Variants in SPATA6 observed in about 807,000 individuals in gnomAD.
SPATA6 encodes spermatogenesis-associated protein 6.
Under a neutral mutation model 65.3 loss-of-function variants are expected in SPATA6, and 56 were observed. The ratio of observed to expected loss-of-function variants is 0.86; its 90% confidence interval spans 0.69 to 1.07. SPATA6 has a LOEUF of 1.07. SPATA6 is among the 50% of genes least tolerant of loss of function. The pLI is 0.00. For synonymous variants in SPATA6, 199 were observed against 213.2 expected (o/e 0.93, Z 0.58); for missense variants, 590 against 594.8 (o/e 0.99, Z 0.08).
chr1:48,446,829 G>A (rs940522678), intron 3 of SPATA6, among the ~76,000 whole-genome samples: 3 of 152,050 alleles, frequency 2.0e-5, no homozygotes, highest in African/African-American at 7.2e-5. Flanking sequence ...TTAAATGACA[G>A]AAATAGATTG....
At chr1:48,288,076 T>C in the SPATA6 span, among the ~76,000 whole-genome samples, 3 of 152,238 alleles carry the variant, frequency 2.0e-5, no homozygotes, top group Non-Finnish European at 4.4e-5. Flanking sequence ...GGTTTTTGTC[T>C]TTCTTTCTGT....
chr1:48,422,984 C>A (rs1653490107), intron 3 of SPATA6, among the ~76,000 whole-genome samples: 1 of 152,078 alleles, frequency 6.6e-6, no homozygotes, highest in Admixed American at 6.5e-5. Context: ...GTAGTATACT[C>A]ATACAATGTA....
intron 12 of SPATA6, among the ~76,000 whole-genome samples, chr1:48,300,906 A>G (rs1644921673): frequency 6.6e-6 from 1 of 152,158 alleles, no homozygotes; most frequent in South Asian, 2.1e-4. Flanking sequence ...TGGAAGGAAC[A>G]TACCTCAAAA....
intron 3 of SPATA6, among the ~76,000 whole-genome samples, chr1:48,433,670 C>T (rs1287307642): frequency 6.6e-6 from 1 of 152,058 alleles, no homozygotes; most frequent in Non-Finnish European, 1.5e-5. Flanking sequence ...TTTCTGAATA[C>T]CTATTTACCT....
At chr1:48,279,287 A>G in the SPATA6 span, among the ~76,000 whole-genome samples, 1 of 152,206 alleles carries the variant, frequency 6.6e-6, no homozygotes, top group Non-Finnish European at 1.5e-5. Context: ...CGAGCAAAAT[A>G]ACCAGATAAC....
chr1:48,266,072 T>C, the SPATA6 span, among the ~76,000 whole-genome samples: 1 of 152,338 alleles, frequency 6.6e-6, no homozygotes, highest in Admixed American at 6.5e-5. Flanking sequence ...ACTAATTTCC[T>C]TTCCTATTCA....
At chr1:48,452,584 A>T (rs1656673131) in intron 2 of SPATA6, among the ~76,000 whole-genome samples, 1 of 152,066 alleles carries the variant, frequency 6.6e-6, no homozygotes, top group Non-Finnish European at 1.5e-5. Context: ...GGGTTTCCCC[A>T]TGTTGACCAG....
In SPATA6 at chr1:48,299,516, G is replaced by GAAAAAAAAAAAAAAAAA. The variant is rs58072004; in HGVS notation, c.1287-640_1287-624dup. Among the ~76,000 whole-genome samples, 379 of 38,184 alleles carry GAAAAAAAAAAAAAAAAA rather than the reference G, an allele frequency of 9.9e-3. 60 individuals carry two copies. Among genetic ancestry groups the GAAAAAAAAAAAAAAAAA allele is most frequent in the Non-Finnish European group, 0.014 (289 of 21,038 alleles). 25.1% of individuals were successfully genotyped at this position (38,184 alleles called of 152,430 possible). The stretch of plus-strand genomic sequence containing the variant: ...ACAACAAGAGCAAAACTCCGTCTCG[G>GAAAAAAAAAAAAAAAAA]AAAAAAAAAAAAAAAAAAAAAGAAT... On this transcript the variant is annotated intron_variant, in intron 12 of 12. Transcript: ENST00000371847.
At chr1:48,386,399 G>A (rs920494579) in intron 8 of SPATA6, among the ~76,000 whole-genome samples, 16 of 152,262 alleles carry the variant, frequency 1.1e-4, no homozygotes, top group African/African-American at 3.9e-4. Context: ...AAGAACCAGA[G>A]ACAATCAGTT....
chr1:48,366,009 G>A (rs982897005), intron 9 of SPATA6, among the ~76,000 whole-genome samples: 1 of 152,154 alleles, frequency 6.6e-6, no homozygotes, highest in African/African-American at 2.4e-5. Flanking sequence ...ATGAAGCGTT[G>A]TTGAATTTTA....
At chr1:48,363,414 A>T (rs1646879350) in intron 9 of SPATA6, among the ~76,000 whole-genome samples, 1 of 152,114 alleles carries the variant, frequency 6.6e-6, no homozygotes, top group Admixed American at 6.6e-5. Context: ...CCTGCTGTTT[A>T]TGAGACCCTG....
intron 8 of SPATA6, among the ~76,000 whole-genome samples, chr1:48,390,894 A>G (rs1299443389): frequency 6.6e-6 from 1 of 152,216 alleles, no homozygotes; most frequent in Non-Finnish European, 1.5e-5. Context: ...GAACCATACC[A>G]GAAATCAGCT....
the SPATA6 span, among the ~76,000 whole-genome samples, chr1:48,287,614 C>G: frequency 5.3e-5 from 8 of 152,330 alleles, no homozygotes; most frequent in South Asian, 1.7e-3. Flanking sequence ...TCCCTTCTCT[C>G]TCTCTCTTGC....
At chr1:48,439,357 A>G (rs1332409738) in intron 3 of SPATA6, among the ~76,000 whole-genome samples, 4 of 152,112 alleles carry the variant, frequency 2.6e-5, no homozygotes, top group African/African-American at 9.7e-5. Flanking sequence ...AACTTTTCCA[A>G]TCAGCAGGGT....
At chr1:48,324,372 CAGACAAAG>C (rs1645692939) in intron 11 of SPATA6, among the ~76,000 whole-genome samples, 1 of 152,118 alleles carries the variant, frequency 6.6e-6, no homozygotes, top group Admixed American at 6.6e-5. Context: ...ATACCAAAAC[CAGACAAAG>C]ACACATCAGA....
Position 48,472,065 on chromosome 1 carries a change from G to T in SPATA6, c.-57C>A. The T allele has an allele frequency of 2.3e-6, 3 of 1,298,278 alleles. No individual in the cohort carries two copies. Among genetic ancestry groups the T allele is most frequent in the Non-Finnish European group, 3.1e-6 (3 of 972,516 alleles). The allele number at this position is 1,298,278 out of a possible 1,614,324, so 80.4% of individuals were successfully genotyped here. The stretch of plus-strand genomic sequence containing the variant: ...CGGCCACGGGCCCGAGTGAGGCGGG[G>T]AGACCTGGGGCTGGGCGGGGACGGG... On this transcript the variant is annotated 5_prime_UTR_variant, in exon 1 of 13. Transcript: ENST00000371847.
chr1:48,418,498 C>T (rs567626341), intron 3 of SPATA6, among the ~76,000 whole-genome samples: 9 of 138,614 alleles, frequency 6.5e-5, no homozygotes, highest in Non-Finnish European at 1.2e-4. Flanking sequence ...GCTTGAGCCC[C>T]GGAGTTCGAG....
At chr1:48,430,078 A>T (rs549655802) in intron 3 of SPATA6, among the ~76,000 whole-genome samples, 22 of 152,314 alleles carry the variant, frequency 1.4e-4, no homozygotes, top group Admixed American at 1.4e-3. Flanking sequence ...AATATATTTA[A>T]AGAAACAATG....
chr1:48,353,684 C>T (rs946784301), intron 11 of SPATA6, among the ~76,000 whole-genome samples: 3 of 151,740 alleles, frequency 2.0e-5, no homozygotes, highest in Non-Finnish European at 4.4e-5. Context: ...ATTAAGAGAA[C>T]CAGAATGTAA....
Sources: allele counts gnomAD v4.1 joint callset (sites outside exome capture counted in the v4.1 genomes callset), GRCh38; gene constraint gnomAD v4.1.1; transcripts MANE v1.5; gene names NCBI Gene and HGNC (gene_info 2026-07-23, HGNC 2026-07-21).